UBE3D: variants seen among roughly 807,000 people sequenced by gnomAD.
UBE3D encodes the protein ubiquitin protein ligase E3D, also known as E3 ubiquitin-protein ligase E3D.
UBE3D carries 48 observed loss-of-function variants against 49.6 expected under a neutral mutation model. The ratio of observed to expected loss-of-function variants is 0.97; its 90% confidence interval spans 0.77 to 1.23. The LOEUF is 1.23. Among genes scored for constraint, UBE3D ranks in the 50% most tolerant of loss-of-function variants. The probability of loss-of-function intolerance (pLI) is 0.00; values close to 1 mark genes in which losing one functional copy is unlikely to be tolerated. For missense variants in UBE3D, 452 were observed against 468.4 expected, an observed-to-expected ratio of 0.96 and a Z score of 0.32; for synonymous variants, 189 against 174.2, an observed-to-expected ratio of 1.08 and a Z score of -0.67.
intron 8 of UBE3D, among the ~76,000 whole-genome samples, chr6:83,005,692 T>C (rs1326830733): frequency 6.6e-6 from 1 of 151,530 alleles, no homozygotes; most frequent in African/African-American, 2.4e-5. Context: ...ACACCAATGT[T>C]CATAGCAGCA....
intron 3 of UBE3D, among the ~76,000 whole-genome samples, chr6:83,051,843 C>T (rs531039874): frequency 6.6e-6 from 1 of 152,206 alleles, no homozygotes; most frequent in Non-Finnish European, 1.5e-5. Context: ...TAACCTCTCA[C>T]TTATGCCAGA....
At chr6:83,021,119 A>G (rs556151891) in intron 7 of UBE3D, among the ~76,000 whole-genome samples, 1 of 152,316 alleles carries the variant, frequency 6.6e-6, no homozygotes, top group South Asian at 2.1e-4. Context: ...ATATCACAGA[A>G]TCAGAGGCAA....
intron 9 of UBE3D, among the ~76,000 whole-genome samples, chr6:82,895,037 G>T (rs975846468): frequency 2.0e-5 from 3 of 152,194 alleles, no homozygotes; most frequent in African/African-American, 7.2e-5. Context: ...GGCCGGCACA[G>T]TGGCTCACAG....
At chr6:82,957,082 T>C (rs1011503891) in intron 9 of UBE3D, among the ~76,000 whole-genome samples, 1 of 151,980 alleles carries the variant, frequency 6.6e-6, no homozygotes, top group African/African-American at 2.4e-5. Flanking sequence ...TGAGCCGAGA[T>C]TGCACCACTT....
At chr6:82,998,791 A>G (rs1409863221) in intron 8 of UBE3D, among the ~76,000 whole-genome samples, 2 of 152,358 alleles carry the variant, frequency 1.3e-5, no homozygotes, top group East Asian at 1.9e-4. Context: ...GTCCATCACT[A>G]TAATAATACT....
In UBE3D at chr6:83,023,999, G is replaced by A; in HGVS notation, c.707C>T (p.Ser236Leu). The A allele has an allele frequency of 6.5e-7, 1 of 1,536,202 alleles. No individual in the cohort carries two copies. The highest frequency in any genetic ancestry group is 8.7e-7 in the Non-Finnish European group (1 of 1,149,208). The change falls in exon 6 of 10, where the codon TCA (serine) becomes TTA (leucine). Residue 236 changes from serine (S) to leucine (L), a missense_variant. By Grantham distance (145) the Ser-to-Leu change is moderately radical (BLOSUM62 -2). Coordinates refer to ENST00000369747, the MANE Select transcript of UBE3D (RefSeq NM_198920.3). ...KFYMTEIIIQ[S>L]SERSFPIIPR... ...TATGATAGGAAAACTCCTCTCAGAT[G>A]ACTGAATAATTATCTCTGTCATATA...
At chr6:83,046,023 T>C (rs1401219368) in intron 3 of UBE3D, among the ~76,000 whole-genome samples, 1 of 152,170 alleles carries the variant, frequency 6.6e-6, no homozygotes, top group African/African-American at 2.4e-5. Flanking sequence ...TGGTATGGAT[T>C]TGGGGAAAGA....
intron 5 of UBE3D, among the ~76,000 whole-genome samples, chr6:83,033,173 G>C (rs1301308072): frequency 6.6e-6 from 1 of 152,030 alleles, no homozygotes; most frequent in African/African-American, 2.4e-5. Context: ...AGAGAGAGGG[G>C]AGAGGTGTTA....
At chr6:82,933,986 T>A (rs565665253) in intron 9 of UBE3D, among the ~76,000 whole-genome samples, 3 of 152,316 alleles carry the variant, frequency 2.0e-5, no homozygotes, top group African/African-American at 7.2e-5. Context: ...GCTCTGTGTC[T>A]TCACCCAAAT....
chr6:82,946,037 AAG>A (rs1775377125), intron 9 of UBE3D, among the ~76,000 whole-genome samples: 1 of 152,182 alleles, frequency 6.6e-6, no homozygotes, highest in African/African-American at 2.4e-5. Flanking sequence ...GGGCAAATTT[AAG>A]AGTTACAGGC....
intron 5 of UBE3D, chr6:83,037,623 T>C (rs966299368): frequency 2.0e-5 from 3 of 152,206 alleles, no homozygotes; most frequent in African/African-American, 7.2e-5. Flanking sequence ...ATCATCTGCC[T>C]TCCCTTAAGT....
chr6:82,951,779 G>C (rs1775815394), intron 9 of UBE3D, among the ~76,000 whole-genome samples: 1 of 152,128 alleles, frequency 6.6e-6, no homozygotes, highest in Non-Finnish European at 1.5e-5. Context: ...TGTTCCTACT[G>C]TGCCATTCTG....
intron 9 of UBE3D, among the ~76,000 whole-genome samples, chr6:82,918,811 T>C (rs376761582): frequency 1.8e-4 from 27 of 151,772 alleles, no homozygotes; most frequent in African/African-American, 6.5e-4. Context: ...GACCCCCTCA[T>C]CTCTCATTAT....
intron 8 of UBE3D, among the ~76,000 whole-genome samples, chr6:82,994,133 A>G (rs1779084192): frequency 6.6e-6 from 1 of 152,232 alleles, no homozygotes; most frequent in Non-Finnish European, 1.5e-5. Context: ...TTTAATTCCC[A>G]AAGATGTAAG....
intron 9 of UBE3D, among the ~76,000 whole-genome samples, chr6:82,950,999 A>AT (rs1207952041): frequency 4.0e-5 from 6 of 151,480 alleles, no homozygotes; most frequent in African/African-American, 7.3e-5. Context: ...TGACTAATGG[A>AT]TAAAAAAAAA....
At chr6:83,037,574 G>A (rs1782352068) in intron 5 of UBE3D, 1 of 151,984 alleles carries the variant, frequency 6.6e-6, no homozygotes, top group Non-Finnish European at 1.5e-5. Context: ...CTTCTTACAA[G>A]ATTTTGACGA....
chr6:82,992,899 C>T (rs1778989642), intron 8 of UBE3D, among the ~76,000 whole-genome samples: 1 of 151,964 alleles, frequency 6.6e-6, no homozygotes, highest in South Asian at 2.1e-4. Context: ...AGATAAGTGG[C>T]GATGGTTTAC....
At chr6:83,030,279 C>G (rs146698001) in intron 5 of UBE3D, among the ~76,000 whole-genome samples, 2 of 152,242 alleles carry the variant, frequency 1.3e-5, no homozygotes, top group African/African-American at 4.8e-5. Flanking sequence ...ACTGTAGCTC[C>G]CATAATTGCC....
chr6:83,027,052 T>A (rs1781511892), intron 5 of UBE3D, among the ~76,000 whole-genome samples: 1 of 152,166 alleles, frequency 6.6e-6, no homozygotes, highest in Non-Finnish European at 1.5e-5. Flanking sequence ...GTTATGTGAA[T>A]ATTCACGATT....
Sources: gnomAD v4.1 joint callset for allele counts (sites outside exome capture counted in the v4.1 genomes callset) on GRCh38, gnomAD v4.1.1 for gene constraint, MANE v1.5 for transcripts, NCBI Gene and HGNC (gene_info 2026-07-23, HGNC 2026-07-21) for gene names.